Variants in SEM1 observed in about 807,000 individuals in gnomAD.
SEM1 encodes the protein SEM1 26S proteasome subunit.
Under a neutral mutation model 12.7 loss-of-function variants are expected in SEM1, and 3 were observed. That is an observed-to-expected ratio of 0.24 (90% confidence interval 0.11 to 0.61). The LOEUF (loss-of-function observed/expected upper bound fraction) is 0.61. SEM1 is among the 20% of genes least tolerant of loss of function. The pLI, the probability that SEM1 is intolerant of heterozygous loss-of-function variation, is 0.88. For missense variants in SEM1, 59 were observed against 81.3 expected, an observed-to-expected ratio of 0.73 and a Z score of 1.06; for synonymous variants, 30 against 27.8, an observed-to-expected ratio of 1.08 and a Z score of -0.25.
At chr7:96,495,072 G>A (rs954813896) in intron 1 of SEM1, among the ~76,000 whole-genome samples, 12 of 135,206 alleles carry the variant, frequency 8.9e-5, no homozygotes, top group South Asian at 2.7e-4. Context: ...GAGAGAGCAA[G>A]AGGGAAAGAG....
chr7:96,632,272 C>G (rs754034693), intron 2 of SEM1, among the ~76,000 whole-genome samples: 18 of 152,104 alleles, frequency 1.2e-4, no homozygotes, highest in Non-Finnish European at 2.6e-4. Flanking sequence ...TATTGTGGCA[C>G]TGGTCACAAT....
chr7:96,486,241 G>A (rs1165218991), exon 2 of SEM1: 1 of 1,536,566 alleles, frequency 6.5e-7, no homozygotes, highest in Non-Finnish European at 8.7e-7. Flanking sequence ...CTCTGGAGTT[G>A]GGCATCTCCA....
At chr7:96,680,042 G>C (rs1789559801) in intron 2 of SEM1, among the ~76,000 whole-genome samples, 1 of 152,026 alleles carries the variant, frequency 6.6e-6, no homozygotes, top group African/African-American at 2.4e-5. Flanking sequence ...AAGATACTGG[G>C]GGATTTTCCT....
intron 2 of SEM1, among the ~76,000 whole-genome samples, chr7:96,604,069 G>A (rs1807270415): frequency 6.6e-6 from 1 of 152,060 alleles, no homozygotes; most frequent in African/African-American, 2.4e-5. Context: ...GACAGATGGG[G>A]TGTAAAAAAT....
At chr7:96,581,441 C>A (rs1442876411) in intron 2 of SEM1, among the ~76,000 whole-genome samples, 1 of 151,486 alleles carries the variant, frequency 6.6e-6, no homozygotes, top group Non-Finnish European at 1.5e-5. Flanking sequence ...TTAGGATTGA[C>A]TTGGCGATGC....
chr7:96,511,529 C>T (rs1803933834), intron 2 of SEM1, among the ~76,000 whole-genome samples: 1 of 151,804 alleles, frequency 6.6e-6, no homozygotes, highest in Non-Finnish European at 1.5e-5. Flanking sequence ...AGCAAACACA[C>T]CTATTGGACT....
chr7:96,698,920 A>C (rs1466057079), intron 1 of SEM1, among the ~76,000 whole-genome samples: 1 of 152,132 alleles, frequency 6.6e-6, no homozygotes, highest in African/African-American at 2.4e-5. Context: ...CATCCTCTCC[A>C]GCATAAATTT....
intron 3 of SEM1, among the ~76,000 whole-genome samples, chr7:96,504,165 C>T (rs1327844661): frequency 6.6e-6 from 1 of 152,152 alleles, no homozygotes; most frequent in Non-Finnish European, 1.5e-5. Context: ...AAGTCCATCT[C>T]AGCACCCCGT....
intron 2 of SEM1, among the ~76,000 whole-genome samples, chr7:96,659,597 A>G (rs182328638): frequency 1.1e-3 from 161 of 152,316 alleles, no homozygotes; most frequent in African/African-American, 3.8e-3. Flanking sequence ...TAAAGTAGTG[A>G]TAATCTCAAA....
intron 2 of SEM1, among the ~76,000 whole-genome samples, chr7:96,555,017 T>C (rs1805433910): frequency 6.7e-6 from 1 of 149,630 alleles, no homozygotes; most frequent in South Asian, 2.2e-4. Flanking sequence ...TATGGTAGTT[T>C]GTATTTCTGT....
intron 2 of SEM1, chr7:96,647,448 T>C (rs1808833376): frequency 1.3e-5 from 2 of 152,208 alleles, no homozygotes; most frequent in Admixed American, 6.5e-5. Flanking sequence ...CTTTGAGACA[T>C]GGATATAATG....
At chr7:96,707,116 C>A (rs1328842049) in intron 1 of SEM1, among the ~76,000 whole-genome samples, 1 of 152,174 alleles carries the variant, frequency 6.6e-6, no homozygotes, top group Non-Finnish European at 1.5e-5. Flanking sequence ...GTAAAGCCCA[C>A]ACTGATTAAG....
At chr7:96,580,485 A>G (rs1465721851) in intron 2 of SEM1, among the ~76,000 whole-genome samples, 5 of 151,712 alleles carry the variant, frequency 3.3e-5, no homozygotes, top group African/African-American at 4.8e-5. Flanking sequence ...GTCTATACCC[A>G]GTAATGGGAT....
At chr7:96,611,561 A>G (rs537843093) in intron 2 of SEM1, among the ~76,000 whole-genome samples, 1 of 152,212 alleles carries the variant, frequency 6.6e-6, no homozygotes, top group Non-Finnish European at 1.5e-5. Flanking sequence ...TAAAATAAAG[A>G]TCCATGGAGG....
intron 2 of SEM1, among the ~76,000 whole-genome samples, chr7:96,655,442 CT>C (rs72335497): frequency 0.31 from 42,764 of 137,462 alleles, 5,298 homozygotes; most frequent in African/African-American, 0.43. Context: ...ATGCAAATAC[CT>C]TTTTTTTTTT....
At chr7:96,495,102 T>C (rs542672274) in intron 1 of SEM1, among the ~76,000 whole-genome samples, 18 of 150,772 alleles carry the variant, frequency 1.2e-4, no homozygotes, top group African/African-American at 4.1e-4. Flanking sequence ...GAGAATAGCA[T>C]TGGAAGATTA....
intron 1 of SEM1, chr7:96,697,185 A>C (rs534574562): frequency 1.3e-4 from 20 of 152,030 alleles, no homozygotes; most frequent in Non-Finnish European, 2.2e-4. Context: ...AAAAAAAAAA[A>C]ACCCTACATT....
upstream of SEM1, among the ~76,000 whole-genome samples, chr7:96,499,931 C>T (rs1191078105): frequency 2.0e-5 from 3 of 152,150 alleles, no homozygotes; most frequent in Non-Finnish European, 2.9e-5. Context: ...TCACCATCAA[C>T]ACATATTTTG....
At chr7:96,679,894 G>A (rs1789554985) in intron 2 of SEM1, among the ~76,000 whole-genome samples, 1 of 152,026 alleles carries the variant, frequency 6.6e-6, no homozygotes, top group South Asian at 2.1e-4. Context: ...GATGTGCTTG[G>A]TGCCCTGCCC....
Sources: gnomAD v4.1 joint callset for allele counts (sites outside exome capture counted in the v4.1 genomes callset) on GRCh38, gnomAD v4.1.1 for gene constraint, MANE v1.5 for transcripts, NCBI Gene and HGNC (gene_info 2026-07-23, HGNC 2026-07-21) for gene names.